Variants in DEPDC5 observed in about 807,000 individuals in gnomAD.
DEPDC5 encodes GATOR1 complex protein DEPDC5.
Under a neutral mutation model 217.3 loss-of-function variants are expected in DEPDC5, and 73 were observed. That is an observed-to-expected ratio of 0.34 (90% CI 0.28 to 0.41). The LOEUF is 0.41. Among genes scored for constraint, DEPDC5 ranks in the 10% least tolerant of loss-of-function variants. DEPDC5 has a pLI of 1.00. For synonymous variants in DEPDC5, 733 were observed against 756.7 expected, an observed-to-expected ratio of 0.97 and a Z score of 0.51; for missense variants, 1,675 against 2,070.1, an observed-to-expected ratio of 0.81 and a Z score of 3.70.
At chr22:31,782,137 A>C (rs1350238968) in intron 8 of DEPDC5, among the ~76,000 whole-genome samples, 7 of 150,834 alleles carry the variant, frequency 4.6e-5, no homozygotes, top group Non-Finnish European at 1.0e-4. Flanking sequence ...CTCTGAAAAA[A>C]ATTTTTTTTT....
At position 31,875,946 on chromosome 22, in the gene DEPDC5, C is replaced by T. The variant is rs5994442; in HGVS notation, c.3697-211C>T. 139,303 of 481,640 alleles carry T rather than the reference C, an allele frequency of 0.29. 23,351 individuals are homozygous for T. The highest frequency in any genetic ancestry group is 0.57 in the African/African-American group (29,223 of 51,680). 29.8% of individuals were successfully genotyped at this position (481,640 alleles called of 1,614,324 possible). A position where few individuals can be genotyped will look rare whatever the true frequency, so the allele number is the denominator to read the frequency against. Reference sequence around the variant, plus strand: ...CTGCTCCCGGCCATCTGAATTTCTTCATGCCCTTCTGCATGTTTGAAATAT... The same window carrying T: ...CTGCTCCCGGCCATCTGAATTTCTTTATGCCCTTCTGCATGTTTGAAATAT... On this transcript the variant is annotated intron_variant, in intron 36 of 42. Coordinates refer to ENST00000651528, the MANE Select transcript of DEPDC5 (RefSeq NM_001242896.3).
intron 23 of DEPDC5, among the ~76,000 whole-genome samples, chr22:31,821,942 A>C (rs185420578): frequency 6.6e-6 from 1 of 152,332 alleles, no homozygotes; most frequent in East Asian, 1.9e-4. Flanking sequence ...AATCCAAGAG[A>C]GGAAATTCTT....
At chr22:31,905,796 G>A (rs1293831510) in intron 41 of DEPDC5, among the ~76,000 whole-genome samples, 188 bp from the exon 42 acceptor site, 1 of 152,050 alleles carries the variant, frequency 6.6e-6, no homozygotes, top group African/African-American at 2.4e-5. Context: ...CATGGTGTTG[G>A]AAGAGGTAGA....
At chr22:31,894,132 C>G (rs2093498275) in intron 39 of DEPDC5, 1 of 156,296 alleles carries the variant, frequency 6.4e-6, no homozygotes, top group South Asian at 2.0e-4. Flanking sequence ...GGGAGTATTG[C>G]TCCCTCTTGA....
At chr22:31,863,781 G>A (rs570525518) in intron 33 of DEPDC5, among the ~76,000 whole-genome samples, 69 of 151,920 alleles carry the variant, frequency 4.5e-4, no homozygotes, top group Non-Finnish European at 8.5e-4. Context: ...AAATTAGACC[G>A]GGCTCGTGGC....
chr22:31,767,871 G>C (rs1213750499), intron 6 of DEPDC5, among the ~76,000 whole-genome samples: 1 of 151,098 alleles, frequency 6.6e-6, no homozygotes, highest in Admixed American at 6.6e-5. Flanking sequence ...TCAGCCTCCC[G>C]AGTAGCTGGG....
rs141242770 is a variant in DEPDC5 at position 31,812,007 on chromosome 22, G to A, written c.1445+1366G>A. 1.5e-3 allele frequency among the ~76,000 whole-genome samples: 221 copies of A among 147,028 alleles called. 5 individuals are homozygous for A. The highest frequency in any genetic ancestry group is 1.9e-4 in the Non-Finnish European group (13 of 67,034). ...GGAATTTTTTTTTTCTTTTTTTTTC[G>A]AGATGGCGTCTTGCCCTGTCTCCTA... On this transcript the variant is annotated intron_variant, in intron 20 of 42. Transcript: ENST00000651528.
intron 4 of DEPDC5, among the ~76,000 whole-genome samples, chr22:31,762,546 C>T (rs2082483466): frequency 6.6e-6 from 1 of 152,166 alleles, no homozygotes; most frequent in African/African-American, 2.4e-5. Flanking sequence ...GGTGGATCAC[C>T]TGAGGTCAGG....
At chr22:31,818,020 G>A (rs2089322505) in intron 21 of DEPDC5, among the ~76,000 whole-genome samples, 1 of 151,990 alleles carries the variant, frequency 6.6e-6, no homozygotes, top group Non-Finnish European at 1.5e-5. Flanking sequence ...AGATAATGAT[G>A]GCCAAGACAA....
chr22:31,835,446 C>A (rs375762174), intron 25 of DEPDC5, among the ~76,000 whole-genome samples: 1 of 152,194 alleles, frequency 6.6e-6, no homozygotes, highest in African/African-American at 2.4e-5. Flanking sequence ...CTTAAACTTA[C>A]AATCAGGATC....
intron 2 of DEPDC5, among the ~76,000 whole-genome samples, chr22:31,756,994 G>T (rs2081992208): frequency 1.3e-5 from 2 of 151,630 alleles, no homozygotes; most frequent in African/African-American, 2.4e-5. Flanking sequence ...TGTGCCAGAC[G>T]TAATGATTAT....
At chr22:31,863,695 G>A (rs1220658568) in intron 33 of DEPDC5, among the ~76,000 whole-genome samples, 1 of 152,138 alleles carries the variant, frequency 6.6e-6, no homozygotes, top group Non-Finnish European at 1.5e-5. Context: ...GGCCAAGGCA[G>A]ACAGATCACT....
intron 24 of DEPDC5, among the ~76,000 whole-genome samples, chr22:31,825,339 G>T (rs904023167): frequency 2.0e-5 from 3 of 152,186 alleles, no homozygotes; most frequent in Non-Finnish European, 2.9e-5. Flanking sequence ...ATTTGGGGTG[G>T]TTGTGGAAGA....
At chr22:31,837,331 T>C in intron 26 of DEPDC5, 176 bp downstream of exon 26, 3 of 656,528 alleles carry the variant, frequency 4.6e-6, no homozygotes, top group Non-Finnish European at 7.4e-6. Context: ...AACATTGAAT[T>C]GTATTTTATC....
chr22:31,825,681 A>T (rs2090089673), intron 24 of DEPDC5, among the ~76,000 whole-genome samples: 1 of 152,054 alleles, frequency 6.6e-6, no homozygotes, highest in Non-Finnish European at 1.5e-5. Context: ...CTTCAAAATG[A>T]TCTTCCTGCT....
At chr22:31,876,730 T>A (rs570832284) in intron 37 of DEPDC5, among the ~76,000 whole-genome samples, 14 of 152,340 alleles carry the variant, frequency 9.2e-5, no homozygotes, top group African/African-American at 2.9e-4. Context: ...AGTAATATTT[T>A]AAGTATCTGT....
intron 32 of DEPDC5, 136 bp downstream of exon 32, chr22:31,857,689 G>C (rs1187129194): frequency 1.5e-6 from 1 of 646,800 alleles, no homozygotes; most frequent in Non-Finnish European, 2.6e-6. Context: ...ACCCTTTAAA[G>C]GTTCTATTAC....
rs753827064 is a variant in DEPDC5 at position 31,815,029 on chromosome 22, GCCAGCT to G, written c.1486_1491del (p.Ser496_Ser497del). The G allele has an allele frequency of 1.2e-6, 2 of 1,614,172 alleles. No individual in the cohort carries two copies. Among genetic ancestry groups the G allele is most frequent in the South Asian group, 2.2e-5 (2 of 91,080 alleles). ...GCGAGAGAGTCACAGTCGAAAGAGT[GCCAGCT>G]CCTGTGATGTTTCATCCAGCCCTTC... On this transcript the variant is annotated inframe_deletion, in exon 21 of 43. Transcript: ENST00000651528.
At chr22:31,779,602 A>G (rs755783150) in intron 8 of DEPDC5, among the ~76,000 whole-genome samples, 1 of 152,198 alleles carries the variant, frequency 6.6e-6, no homozygotes, top group Non-Finnish European at 1.5e-5. Context: ...GATGGGTTTT[A>G]AGTGGGAGAG....
Sources: allele counts gnomAD v4.1 joint callset (sites outside exome capture counted in the v4.1 genomes callset), GRCh38; gene constraint gnomAD v4.1.1; transcripts MANE v1.5; gene names NCBI Gene and HGNC (gene_info 2026-07-23, HGNC 2026-07-21).